The following ERGIC1 variants were observed in gnomAD, a reference collection of about 807,000 sequenced individuals.
ERGIC1 encodes endoplasmic reticulum-Golgi intermediate compartment protein 1.
A neutral mutation model predicts 38.3 loss-of-function variants in ERGIC1; 19 were observed. That is an observed-to-expected ratio of 0.50 (90% CI 0.35 to 0.73). ERGIC1 has a LOEUF of 0.73. Ranked by LOEUF, ERGIC1 falls within the 30% of genes least tolerant of loss-of-function variation. ERGIC1 has a pLI of 0.01. For synonymous variants in ERGIC1, 124 were observed against 157.6 expected, an observed-to-expected ratio of 0.79 and a Z score of 1.60; for missense variants, 294 against 389.2, an observed-to-expected ratio of 0.76 and a Z score of 2.06.
chr5:172,935,360 C>T, intron 9 of ERGIC1, 50 bp downstream of exon 9: 3 of 1,610,424 alleles, frequency 1.9e-6, no homozygotes, highest in Admixed American at 1.7e-5. Context: ...CACCCTGCGC[C>T]TGCTCTGGGC....
Position 172,926,407 on chromosome 5 carries a change from G to T in ERGIC1, c.481-102G>T. ...TGGAGCCCCCTTTTACACATTGGTA[G>T]GGTTCCTAGACCAGGTGGTACCTGG... is the stretch of plus-strand genomic sequence containing the variant. On this transcript the variant is annotated intron_variant, in intron 6 of 9. Transcript: ENST00000393784. This position sits in a 1 kb window ranked among gnomAD's most constrained non-coding sequence, Gnocchi z 5.2. 7.8e-7 allele frequency: 1 copy of T among 1,289,676 alleles called. No individual in the cohort carries two copies. The highest frequency in any genetic ancestry group is 1.1e-6 in the Non-Finnish European group (1 of 893,842). The allele number at this position is 1,289,676 out of a possible 1,614,324, so 79.9% of individuals were successfully genotyped here.
Position 172,888,772 on chromosome 5 carries a change from A to G in ERGIC1, c.82+12A>G. 6.2e-7 allele frequency: 1 copy of G among 1,613,292 alleles called. No homozygotes were observed. The highest frequency in any genetic ancestry group is 1.1e-5 in the South Asian group (1 of 91,060). ...CACCGGGGCCATTAGTGAGTAGCCA[A>G]CCTCTGGCCATGCCCTCTGCCCCAT... On this transcript the variant is annotated intron_variant, in intron 2 of 9. Coordinates refer to ENST00000393784, the MANE Select transcript of ERGIC1 (RefSeq NM_001031711.3).
chr5:172,909,368 C>G (rs1363979892), intron 3 of ERGIC1, among the ~76,000 whole-genome samples: 1 of 152,082 alleles, frequency 6.6e-6, no homozygotes, highest in Non-Finnish European at 1.5e-5. Context: ...CCATGTTGGT[C>G]AGGCTAGTCT....
At chr5:172,935,097 C>T in intron 8 of ERGIC1, 91 bp from the exon 9 acceptor site, 1 of 1,591,098 alleles carries the variant, frequency 6.3e-7, no homozygotes, top group Non-Finnish European at 8.6e-7. Context: ...AAAGCCCTTT[C>T]TGGAGGGTTG....
At chr5:172,877,410 A>ATG (rs34909688) in intron 1 of ERGIC1, among the ~76,000 whole-genome samples, 3,791 of 102,092 alleles carry the variant, frequency 0.037, 261 homozygotes, top group African/African-American at 0.13. Context: ...TATTATATAT[A>ATG]TGTGTGTGTG....
chr5:172,914,583 T>C, intron 4 of ERGIC1, 131 bp from the exon 5 acceptor site: 2 of 1,458,530 alleles, frequency 1.4e-6, no homozygotes, highest in East Asian at 4.7e-5. Flanking sequence ...CCCCAGACCA[T>C]GAGCTCCTGG....
Position 172,923,371 on chromosome 5 carries a change from G to A in ERGIC1, c.376-634G>A, listed in dbSNP as rs1369444642. ...TCTAAGCATCTGGGAGGAGGAGGGG[G>A]AGGAGGGGGAGGAGGAGGGACTTCG... On this transcript the variant is annotated intron_variant, in intron 5 of 9. Coordinates refer to ENST00000393784, the MANE Select transcript of ERGIC1 (RefSeq NM_001031711.3). Among the ~76,000 whole-genome samples, 4 of 149,826 alleles carry A rather than the reference G, an allele frequency of 2.7e-5. 1 individual carries two copies. The highest frequency in any genetic ancestry group is 2.6e-4 in the Admixed American group (4 of 15,130).
chr5:172,836,793 G>A (rs1049220530), intron 1 of ERGIC1, among the ~76,000 whole-genome samples: 3 of 152,182 alleles, frequency 2.0e-5, no homozygotes, highest in Non-Finnish European at 4.4e-5. Flanking sequence ...GAACTGGCAC[G>A]CAAGGAGCAT....
chr5:172,846,679 C>T lies in ERGIC1; in HGVS notation c.20+12246C>T, dbSNP rs538571930. ...CCTTCAAAGGAATAGGAAGGTTTCT[C>T]CTGGCGCAGGAAAGTGTTTTAAGAG... On this transcript the variant is annotated intron_variant, in intron 1 of 9. Transcript: ENST00000393784. The surrounding 1 kb of genome is among the most constrained non-coding windows in gnomAD (Gnocchi z 4.0). 2.0e-5 allele frequency among the ~76,000 whole-genome samples: 3 copies of T among 152,288 alleles called. No individual in the cohort carries two copies. The highest frequency in any genetic ancestry group is 3.9e-4 in the East Asian group (2 of 5,186).
chr5:172,863,663 C>T (rs1315474054), intron 1 of ERGIC1, among the ~76,000 whole-genome samples: 8 of 151,500 alleles, frequency 5.3e-5, no homozygotes, highest in African/African-American at 1.7e-4. Flanking sequence ...AGCATTTTGG[C>T]TCTTTAAAAA....
chr5:172,926,446 C>A lies in ERGIC1; in HGVS notation c.481-63C>A. ...GGTGGTACCTGGCCATCCCCCACAA[C>A]CAGGGCCAGGCCTGGAGGTGGAGGT... On this transcript the variant is annotated intron_variant, in intron 6 of 9. Coordinates refer to ENST00000393784, the MANE Select transcript of ERGIC1 (RefSeq NM_001031711.3). This position sits in a 1 kb window ranked among gnomAD's most constrained non-coding sequence, Gnocchi z 5.2. 6.3e-7 allele frequency: 1 copy of A among 1,595,860 alleles called. No homozygotes were observed. The highest frequency in any genetic ancestry group is 8.6e-7 in the Non-Finnish European group (1 of 1,164,272).
In ERGIC1 at chr5:172,952,622, A is replaced by T. The variant is rs1445578751; in HGVS notation, c.*1806A>T. 1 of 152,082 alleles carries T rather than the reference A, an allele frequency of 6.6e-6. No individual in the cohort carries two copies. The highest frequency in any genetic ancestry group is 1.5e-5 in the Non-Finnish European group (1 of 68,026). The allele number at this position is 152,082 out of a possible 1,614,324, so 9.4% of individuals were successfully genotyped here. Reference sequence around the variant, plus strand: ...TATAATCAAAATCTGAAGGGAAAAAAATGTTTTAGTTCTTTCCCCACTCGT... The same window carrying T: ...TATAATCAAAATCTGAAGGGAAAAATATGTTTTAGTTCTTTCCCCACTCGT... On this transcript the variant is annotated 3_prime_UTR_variant, in exon 10 of 10. Coordinates refer to ENST00000393784, the MANE Select transcript of ERGIC1 (RefSeq NM_001031711.3).
chr5:172,849,037 C>T (rs1404223260), intron 1 of ERGIC1, among the ~76,000 whole-genome samples: 2 of 152,138 alleles, frequency 1.3e-5, no homozygotes, highest in African/African-American at 4.8e-5. Context: ...GGAGAAGACA[C>T]CTGACATTCC....
chr5:172,900,799 G>A (rs1762855071), intron 3 of ERGIC1, among the ~76,000 whole-genome samples: 1 of 152,208 alleles, frequency 6.6e-6, no homozygotes, highest in Non-Finnish European at 1.5e-5. Flanking sequence ...TGGAGAGAGG[G>A]AGGGAGGCAG....
chr5:172,894,760 C>A (rs538777901), intron 2 of ERGIC1, among the ~76,000 whole-genome samples: 1 of 152,356 alleles, frequency 6.6e-6, no homozygotes, highest in Admixed American at 6.5e-5. Flanking sequence ...CACCGCCCCC[C>A]TCAAGGTGGT....
intron 9 of ERGIC1, among the ~76,000 whole-genome samples, chr5:172,947,207 C>T (rs1480018613): frequency 6.7e-6 from 1 of 149,732 alleles, no homozygotes; most frequent in Non-Finnish European, 1.5e-5. Flanking sequence ...AAAAGAAAGA[C>T]ATGATCTTGC....
intron 2 of ERGIC1, among the ~76,000 whole-genome samples, chr5:172,893,905 A>ATATATATATATATGTGTGTGTGTGTG (rs1173039695): frequency 1.3e-4 from 2 of 15,542 alleles, no homozygotes; most frequent in Admixed American, 1.4e-3. Flanking sequence ...ATATATATAT[A>ATATATATATATATGTGTGTGTGTGTG]TGTGTGTGTG....
chr5:172,867,601 G>A (rs1349124459), intron 1 of ERGIC1: 2 of 395,388 alleles, frequency 5.1e-6, no homozygotes, highest in Non-Finnish European at 1.0e-5. Flanking sequence ...CCTGTCCTCT[G>A]GGTCCTGGCT....
rs1762234001 is a variant in ERGIC1, at chr5:172,879,729, G to C, written c.21-8970G>C. On this transcript the variant is annotated intron_variant, in intron 1 of 9. Transcript: ENST00000393784. Reference sequence around the variant, plus strand: ...GGAGCAGCTGGAGGCCCCTCAGAGAGAGCATGGGATCAATGGGAAACCTTC... The same window carrying C: ...GGAGCAGCTGGAGGCCCCTCAGAGACAGCATGGGATCAATGGGAAACCTTC... Among the ~76,000 whole-genome samples the C allele has an allele frequency of 2.0e-5, 3 of 152,374 alleles. No individual in the cohort carries two copies. The South Asian group carries it at 6.2e-4, about 32-fold the overall frequency.
Sources: gnomAD v4.1 joint callset for allele counts (sites outside exome capture counted in the v4.1 genomes callset) on GRCh38, gnomAD v4.1.1 for gene constraint, Gnocchi (gnomAD v3.1) non-coding constraint, MANE v1.5 for transcripts, NCBI Gene and HGNC (gene_info 2026-07-23, HGNC 2026-07-21) for gene names.